TMEM167A: variants seen among roughly 807,000 people sequenced by gnomAD.
The protein encoded by TMEM167A is protein kish-A.
TMEM167A carries 8 observed loss-of-function variants against 11.6 expected under a neutral mutation model. The ratio of observed to expected loss-of-function variants is 0.69; its 90% confidence interval spans 0.40 to 1.24. The LOEUF (loss-of-function observed/expected upper bound fraction) is 1.24. Ranked by LOEUF, TMEM167A falls within the 50% of genes most tolerant of loss-of-function variation. The pLI is 0.01. For missense variants in TMEM167A, 62 were observed against 87.0 expected (o/e 0.71, Z 1.14); for synonymous variants, 22 against 28.0 (o/e 0.79, Z 0.67).
At chr5:83,070,031 A>T (rs1272424299) in intron 1 of TMEM167A, among the ~76,000 whole-genome samples, 1 of 152,176 alleles carries the variant, frequency 6.6e-6, no homozygotes, top group African/African-American at 2.4e-5. Flanking sequence ...AAATTTCCTT[A>T]TATTTATGTT....
Position 83,056,932 on chromosome 5 carries a change from C to CCAATAA in TMEM167A, c.*146_*151dup. ...TTAATTGTTTATACAGAACATTGGT[C>CCAATAA]CAATAACATTAAAATAGAGAACAGC... On this transcript the variant is annotated 3_prime_UTR_variant, in exon 4 of 4. Transcript: ENST00000502346. The CCAATAA allele has an allele frequency of 1.4e-6, 1 of 716,672 alleles. No homozygotes were observed. Among genetic ancestry groups the CCAATAA allele is most frequent in the South Asian group, 1.6e-5 (1 of 64,280 alleles). The allele number at this position is 716,672 out of a possible 1,614,324, so 44.4% of individuals were successfully genotyped here.
At chr5:83,058,995 A>G (rs1213146497) in intron 3 of TMEM167A, among the ~76,000 whole-genome samples, 1 of 152,116 alleles carries the variant, frequency 6.6e-6, no homozygotes, top group Non-Finnish European at 1.5e-5. Flanking sequence ...AAGATAAGAG[A>G]GGAGCATATG....
At chr5:83,057,181 T>C (rs1744345456) in intron 3 of TMEM167A, 27 bp from the exon 4 acceptor site, 3 of 1,603,164 alleles carry the variant, frequency 1.9e-6, no homozygotes, top group Admixed American at 1.7e-5. Context: ...GATGTTCATC[T>C]TGATTAACTG....
In TMEM167A at chr5:83,055,821, A is replaced by G. The variant is rs1744323276; in HGVS notation, c.*1263T>C. 6.6e-6 allele frequency: 1 copy of G among 151,650 alleles called. No homozygotes were observed. Among genetic ancestry groups the G allele is most frequent in the South Asian group, 2.1e-4 (1 of 4,824 alleles). 9.4% of individuals were successfully genotyped at this position (151,650 alleles called of 1,614,324 possible). A position where few individuals can be genotyped will look rare whatever the true frequency, so the allele number is the denominator to read the frequency against. Reference sequence around the variant, plus strand: ...AGAAATAATTTTTTTTGTTTAAAAAAAGGGAGAGTTTCTTCATTTTATCTT... The same window carrying G: ...AGAAATAATTTTTTTTGTTTAAAAAGAGGGAGAGTTTCTTCATTTTATCTT... On this transcript the variant is annotated 3_prime_UTR_variant, in exon 4 of 4. Transcript: ENST00000502346.
chr5:83,053,456 G>A lies in TMEM167A; in HGVS notation c.*3628C>T, dbSNP rs770155470. The A allele has an allele frequency of 3.3e-5, 5 of 151,832 alleles. No individual in the cohort carries two copies. Among genetic ancestry groups the A allele is most frequent in the East Asian group, 1.9e-4 (1 of 5,180 alleles). 9.4% of individuals were successfully genotyped at this position (151,832 alleles called of 1,614,324 possible). Reference sequence around the variant, plus strand: ...TTATATACTATTCAGGCAAGTCTTCGGAAAGTATACTACTGTATTCCTAGT... The same window carrying A: ...TTATATACTATTCAGGCAAGTCTTCAGAAAGTATACTACTGTATTCCTAGT... On this transcript the variant is annotated 3_prime_UTR_variant, in exon 4 of 4. Coordinates refer to ENST00000502346, the MANE Select transcript of TMEM167A (RefSeq NM_174909.5).
chr5:83,073,870 C>T (rs546723374), intron 1 of TMEM167A, among the ~76,000 whole-genome samples: 2 of 152,274 alleles, frequency 1.3e-5, no homozygotes, highest in East Asian at 1.9e-4. Flanking sequence ...ATCTTCAAAA[C>T]GATTTTCCTA....
intron 3 of TMEM167A, 74 bp from the exon 4 acceptor site, chr5:83,057,228 T>C: frequency 2.9e-6 from 4 of 1,383,148 alleles, no homozygotes; most frequent in Non-Finnish European, 4.1e-6. Flanking sequence ...TATACTACCA[T>C]AAGAATCAAG....
chr5:83,068,717 T>C (rs965228743), intron 1 of TMEM167A, among the ~76,000 whole-genome samples: 1 of 152,218 alleles, frequency 6.6e-6, no homozygotes, highest in African/African-American at 2.4e-5. Context: ...TTACTGTATT[T>C]TAAGCAAAAG....
At chr5:83,072,284 A>AC (rs1744573648) in intron 1 of TMEM167A, among the ~76,000 whole-genome samples, 1 of 152,220 alleles carries the variant, frequency 6.6e-6, no homozygotes, top group Non-Finnish European at 1.5e-5. Context: ...AAAAAATTAG[A>AC]ATAAATGCTC....
At chr5:83,060,441 T>C (rs902675461) in intron 3 of TMEM167A, among the ~76,000 whole-genome samples, 12 of 151,640 alleles carry the variant, frequency 7.9e-5, no homozygotes, top group African/African-American at 2.7e-4. Flanking sequence ...ATAAGAAATA[T>C]TCAATTTCAG....
Position 83,053,508 on chromosome 5 carries a change from T to G in TMEM167A, c.*3576A>C, listed in dbSNP as rs993503241. 6.6e-6 allele frequency: 1 copy of G among 152,026 alleles called. No homozygotes were observed. Among genetic ancestry groups the G allele is most frequent in the Admixed American group, 6.6e-5 (1 of 15,232 alleles). 9.4% of individuals were successfully genotyped at this position (152,026 alleles called of 1,614,324 possible). ...CAAAATAAGGTAGGCATGAATATATTCAACCTTCTTTGCACATACACCAAG... is the reference window on the plus strand; with the variant it reads ...CAAAATAAGGTAGGCATGAATATATGCAACCTTCTTTGCACATACACCAAG... On this transcript the variant is annotated 3_prime_UTR_variant, in exon 4 of 4. Transcript: ENST00000502346.
rs1041747253 is a variant in TMEM167A, at chr5:83,055,032, T to C, written c.*2052A>G. 2 of 151,988 alleles carry C rather than the reference T, an allele frequency of 1.3e-5. No individual in the cohort carries two copies. Among genetic ancestry groups the C allele is most frequent in the Non-Finnish European group, 2.9e-5 (2 of 67,936 alleles). The allele number at this position is 151,988 out of a possible 1,614,324, so 9.4% of individuals were successfully genotyped here. Reference sequence around the variant, plus strand: ...AAATATACATTAAAGAAAATGTTAATTGCTTTTATTCATACTGTGTCTCTC... The same window carrying C: ...AAATATACATTAAAGAAAATGTTAACTGCTTTTATTCATACTGTGTCTCTC... On this transcript the variant is annotated 3_prime_UTR_variant, in exon 4 of 4. Coordinates refer to ENST00000502346, the MANE Select transcript of TMEM167A (RefSeq NM_174909.5).
Position 83,061,890 on chromosome 5 carries a change from C to T in TMEM167A, c.135G>A (p.Lys45=), listed in dbSNP as rs1744412042. ...ATAGACACTTACCAATTCTGGCACA[C>T]TTCCAAAATATACCCAACAATCTGC... The part of the protein sequence containing the change: ...NKTGLLGIFW[K]CARIGERKSP... The change falls in exon 3 of 4, where the codon AAG becomes AAA. Residue 45 remains lysine (K), a synonymous_variant. Transcript: ENST00000502346. The T allele has an allele frequency of 6.2e-7, 1 of 1,613,010 alleles. No homozygotes were observed. Among genetic ancestry groups the T allele is most frequent in the African/African-American group, 1.3e-5 (1 of 74,882 alleles).
intron 3 of TMEM167A, among the ~76,000 whole-genome samples, chr5:83,060,923 G>A (rs576513856): frequency 5.9e-5 from 9 of 152,110 alleles, no homozygotes; most frequent in African/African-American, 1.9e-4. Flanking sequence ...GCTGGGTACC[G>A]TGTTAAATGT....
rs1334541936 is a variant in TMEM167A at position 83,053,129 on chromosome 5, T to C, written c.*3955A>G. On this transcript the variant is annotated 3_prime_UTR_variant, in exon 4 of 4. Transcript: ENST00000502346. ...TTGTACAGCGTTCACAATGCTGGTA[T>C]TAATCAGCTACATATTTTGAACATC... is the stretch of plus-strand genomic sequence containing the variant. 2.6e-5 allele frequency: 4 copies of C among 152,002 alleles called. No homozygotes were observed. The highest frequency in any genetic ancestry group is 9.7e-5 in the African/African-American group (4 of 41,428). 9.4% of individuals were successfully genotyped at this position (152,002 alleles called of 1,614,324 possible). A position where few individuals can be genotyped will look rare whatever the true frequency, so the allele number is the denominator to read the frequency against.
At chr5:83,073,191 TC>T (rs1402000482) in intron 1 of TMEM167A, among the ~76,000 whole-genome samples, 4 of 152,226 alleles carry the variant, frequency 2.6e-5, no homozygotes, top group Non-Finnish European at 5.9e-5. Flanking sequence ...CGCATCTGTT[TC>T]TTCATATGAA....
intron 2 of TMEM167A, 123 bp from the exon 3 acceptor site, chr5:83,062,034 A>T (rs576544828): frequency 6.5e-4 from 495 of 764,716 alleles, no homozygotes; most frequent in Middle Eastern, 9.5e-4. Context: ...CTTTGCTTCA[A>T]ATTTGAAATC....
rs982825549 is a variant in TMEM167A at position 83,056,163 on chromosome 5, A to G, written c.*921T>C. The G allele has an allele frequency of 7.9e-5, 12 of 152,072 alleles. No homozygotes were observed. The highest frequency in any genetic ancestry group is 2.9e-4 in the African/African-American group (12 of 41,444). 9.4% of individuals were successfully genotyped at this position (152,072 alleles called of 1,614,324 possible). On this transcript the variant is annotated 3_prime_UTR_variant, in exon 4 of 4. Transcript: ENST00000502346. ...CCTCCAAAGTAACAAAAGAGATTCC[A>G]GTTCAAGTTGACAAAACACAAACTG... is the stretch of plus-strand genomic sequence containing the variant.
intron 3 of TMEM167A, among the ~76,000 whole-genome samples, chr5:83,060,931 T>C (rs1321942185): frequency 6.6e-6 from 1 of 152,190 alleles, no homozygotes; most frequent in Non-Finnish European, 1.5e-5. Context: ...CCGTGTTAAA[T>C]GTTACATATA....
Sources: gnomAD v4.1 joint callset for allele counts (sites outside exome capture counted in the v4.1 genomes callset) on GRCh38, gnomAD v4.1.1 for gene constraint, MANE v1.5 for transcripts, NCBI Gene and HGNC (gene_info 2026-07-23, HGNC 2026-07-21) for gene names.